CAMK2D: variants seen among roughly 807,000 people sequenced by gnomAD.
The protein encoded by CAMK2D is calcium/calmodulin dependent protein kinase II delta, also known as calcium/calmodulin-dependent protein kinase type II subunit delta.
Under a neutral mutation model 84.0 loss-of-function variants are expected in CAMK2D, and 37 were observed. The ratio of observed to expected loss-of-function variants is 0.44; its 90% CI spans 0.34 to 0.58. The LOEUF is 0.58. Ranked by LOEUF, CAMK2D falls within the 20% of genes least tolerant of loss-of-function variation. The pLI is 0.02. For missense variants in CAMK2D, 448 were observed against 652.5 expected, an observed-to-expected ratio of 0.69 and a Z score of 3.41; for synonymous variants, 202 against 212.5, an observed-to-expected ratio of 0.95 and a Z score of 0.43.
intron 4 of CAMK2D, among the ~76,000 whole-genome samples, chr4:113,604,950 CAGA>C (rs1273474034): frequency 6.6e-6 from 1 of 152,164 alleles, no homozygotes; most frequent in African/African-American, 2.4e-5. Context: ...CTTCTTGCAG[CAGA>C]AGGAGATCAA....
At chr4:113,557,184 T>C (rs1306883360) in intron 4 of CAMK2D, among the ~76,000 whole-genome samples, 1 of 152,138 alleles carries the variant, frequency 6.6e-6, no homozygotes, top group Admixed American at 6.6e-5. Flanking sequence ...CAATAACTCC[T>C]AATGGGCCCC....
At chr4:113,589,040 G>A (rs2098846837) in intron 4 of CAMK2D, among the ~76,000 whole-genome samples, 1 of 152,138 alleles carries the variant, frequency 6.6e-6, no homozygotes. Flanking sequence ...GAACACTCAG[G>A]GCCAAGGAAA....
At chr4:113,561,364 C>G (rs980020083) in intron 4 of CAMK2D, among the ~76,000 whole-genome samples, 9 of 152,110 alleles carry the variant, frequency 5.9e-5, no homozygotes, top group African/African-American at 2.2e-4. Context: ...ATCTCAGCTA[C>G]TCAAGAGGCT....
At chr4:113,527,374 T>C (rs1460939151) in intron 8 of CAMK2D, among the ~76,000 whole-genome samples, 3 of 152,050 alleles carry the variant, frequency 2.0e-5, no homozygotes, top group Admixed American at 6.6e-5. Flanking sequence ...AATGCAAAGA[T>C]TACAGGCATG....
intron 2 of CAMK2D, among the ~76,000 whole-genome samples, chr4:113,678,930 T>C (rs2099329380): frequency 6.6e-6 from 1 of 152,122 alleles, no homozygotes; most frequent in South Asian, 2.1e-4. Flanking sequence ...CTGGGTGCCA[T>C]AACCAGCACC....
At chr4:113,618,632 C>A (rs538182163) in intron 3 of CAMK2D, among the ~76,000 whole-genome samples, 1 of 152,180 alleles carries the variant, frequency 6.6e-6, no homozygotes, top group African/African-American at 2.4e-5. Context: ...ATTATATTAT[C>A]CAATAACATT....
At chr4:113,532,704 C>A (rs1179634811) in intron 7 of CAMK2D, among the ~76,000 whole-genome samples, 1 of 152,200 alleles carries the variant, frequency 6.6e-6, no homozygotes, top group Non-Finnish European at 1.5e-5. Flanking sequence ...TCTTAGTGTG[C>A]ACTTTCAGAT....
chr4:113,761,648 G>GGCGGCAGCGGCTCCGGCGA lies in CAMK2D; in HGVS notation c.-599_-581dup. 1 of 985,110 alleles carries GGCGGCAGCGGCTCCGGCGA rather than the reference G, an allele frequency of 1.0e-6. No homozygotes were observed. Among genetic ancestry groups the GGCGGCAGCGGCTCCGGCGA allele is most frequent in the Non-Finnish European group, 1.2e-6 (1 of 829,790 alleles). The allele number at this position is 985,110 out of a possible 1,614,324, so 61.0% of individuals were successfully genotyped here. On this transcript the variant is annotated 5_prime_UTR_variant, in exon 1 of 21. Coordinates refer to ENST00000511664, the MANE Select transcript of CAMK2D (RefSeq NM_001321571.2). ...GCCCGAGGCCGGCTTCCCTCCGGCGGGCGGCAGCGGCTCCGGCGAAGCGAG... is the reference window on the plus strand; with the variant it reads ...GCCCGAGGCCGGCTTCCCTCCGGCGGGCGGCAGCGGCTCCGGCGAGCGGCAGCGGCTCCGGCGAAGCGAG...
intron 7 of CAMK2D, among the ~76,000 whole-genome samples, chr4:113,536,899 A>G (rs1054398243): frequency 2.0e-5 from 3 of 152,178 alleles, no homozygotes; most frequent in Non-Finnish European, 4.4e-5. Context: ...TTTTTAAACA[A>G]TCTTTAAATC....
intron 2 of CAMK2D, among the ~76,000 whole-genome samples, chr4:113,708,090 A>C (rs1278336156): frequency 2.0e-5 from 3 of 152,180 alleles, no homozygotes; most frequent in Non-Finnish European, 4.4e-5. Context: ...CATAAAAAAA[A>C]AGTCCCTTCT....
At chr4:113,632,631 A>AG (rs2099094618) in intron 3 of CAMK2D, among the ~76,000 whole-genome samples, 1 of 152,106 alleles carries the variant, frequency 6.6e-6, no homozygotes, top group African/African-American at 2.4e-5. Context: ...AAAAAAAAAA[A>AG]GAAAAAAATC....
intron 3 of CAMK2D, among the ~76,000 whole-genome samples, chr4:113,613,505 G>A (rs1000096597): frequency 3.9e-5 from 6 of 152,052 alleles, no homozygotes; most frequent in Non-Finnish European, 5.9e-5. Context: ...TAACAAGTAC[G>A]TAACAGACAA....
intron 2 of CAMK2D, among the ~76,000 whole-genome samples, chr4:113,733,866 AATAC>A (rs1156601194): frequency 6.6e-6 from 1 of 152,206 alleles, no homozygotes; most frequent in African/African-American, 2.4e-5. Context: ...TGACTTTTAA[AATAC>A]ATACACAAAC....
intron 4 of CAMK2D, 149 bp downstream of exon 4, chr4:113,609,003 C>T (rs962153065): frequency 1.8e-6 from 1 of 543,438 alleles, no homozygotes; most frequent in Admixed American, 3.1e-5. Flanking sequence ...GTAGTATCCT[C>T]TTTTCAAAAG....
intron 2 of CAMK2D, among the ~76,000 whole-genome samples, chr4:113,686,246 T>C (rs1213115543): frequency 1.3e-5 from 2 of 152,214 alleles, no homozygotes; most frequent in Non-Finnish European, 2.9e-5. Flanking sequence ...TTTATCTACA[T>C]AGAAAGTTGT....
intron 2 of CAMK2D, among the ~76,000 whole-genome samples, chr4:113,691,656 G>A (rs1184140207): frequency 6.6e-6 from 1 of 152,018 alleles, no homozygotes; most frequent in African/African-American, 2.4e-5. Context: ...GGGAGGCTGA[G>A]GCAAAAAAAT....
chr4:113,669,133 T>C (rs1013662580), intron 2 of CAMK2D, among the ~76,000 whole-genome samples: 36 of 152,172 alleles, frequency 2.4e-4, no homozygotes, highest in Admixed American at 7.2e-4. Context: ...ATTATGAAAA[T>C]GTAAAGCAAA....
At chr4:113,456,441 A>G (rs1042026166) in intron 19 of CAMK2D, among the ~76,000 whole-genome samples, 1 of 152,172 alleles carries the variant, frequency 6.6e-6, no homozygotes, top group African/African-American at 2.4e-5. Context: ...TTCCTTACCA[A>G]TAATGTTCTA....
intron 4 of CAMK2D, among the ~76,000 whole-genome samples, chr4:113,590,489 T>C (rs1215945222): frequency 6.6e-6 from 1 of 152,150 alleles, no homozygotes; most frequent in East Asian, 1.9e-4. Context: ...CAATGGATAA[T>C]CATGATTCAA....
Sources: gnomAD v4.1 joint callset for allele counts (sites outside exome capture counted in the v4.1 genomes callset) on GRCh38, gnomAD v4.1.1 for gene constraint, MANE v1.5 for transcripts, NCBI Gene and HGNC (gene_info 2026-07-23, HGNC 2026-07-21) for gene names.